The following SRFBP1 variants were observed in gnomAD, a reference collection of about 807,000 sequenced individuals.
SRFBP1 encodes the protein serum response factor-binding protein 1.
A neutral mutation model predicts 45.5 loss-of-function variants in SRFBP1; 47 were observed. The observed-to-expected ratio is 1.03, with a 90% CI of 0.82 to 1.32. SRFBP1 has a LOEUF of 1.32. Among genes scored for constraint, SRFBP1 ranks in the 40% most tolerant of loss-of-function variants. SRFBP1 has a pLI of 0.00. For synonymous variants in SRFBP1, 203 were observed against 166.3 expected (o/e 1.22, Z -1.70); for missense variants, 621 against 484.6 (o/e 1.28, Z -2.64).
chr5:122,019,560 C>T (rs375624869), intron 5 of SRFBP1, among the ~76,000 whole-genome samples: 3 of 150,892 alleles, frequency 2.0e-5, no homozygotes, highest in East Asian at 1.9e-4. Flanking sequence ...ACGTATAATA[C>T]GTAATATATA....
intron 7 of SRFBP1, among the ~76,000 whole-genome samples, chr5:122,025,529 A>G (rs958764052): frequency 3.9e-5 from 6 of 152,176 alleles, no homozygotes; most frequent in African/African-American, 1.4e-4. Context: ...TCCCTGAGGA[A>G]TCGCCACACT....
chr5:122,006,388 A>G (rs949983670), intron 4 of SRFBP1, among the ~76,000 whole-genome samples: 1 of 152,052 alleles, frequency 6.6e-6, no homozygotes, highest in African/African-American at 2.4e-5. Flanking sequence ...TTTGGATTGA[A>G]TCTCACTGGA....
Position 122,027,092 on chromosome 5 carries a change from T to C in SRFBP1, c.1256T>C (p.Val419Ala), listed in dbSNP as rs1249674715. 6.2e-7 allele frequency: 1 copy of C among 1,607,848 alleles called. No homozygotes were observed. ...AAAGAACAGCAATCTAATATTGCTG[T>C]GTTTCAGGGGAAAAAAATTACGTTT... is the stretch of plus-strand genomic sequence containing the variant. Reference protein sequence around the residue: ...RRKEQQSNIAVFQGKKITFDD With the variant: ...RRKEQQSNIAAFQGKKITFDD Residue 419 changes from valine to alanine, a missense_variant, in exon 8 of 8, where the codon GTG (valine) becomes GCG (alanine). Coordinates refer to ENST00000339397, the MANE Select transcript of SRFBP1 (RefSeq NM_152546.3).
rs1754313283 is a variant in SRFBP1, at chr5:122,066,806, TACAACAGACAAA to T, written n.312-8508_312-8497del. 9 of 1,065,098 alleles carry T rather than the reference TACAACAGACAAA, an allele frequency of 8.4e-6. No homozygotes were observed. In the East Asian group the frequency reaches 2.1e-4, roughly 25 times the overall value. The allele number at this position is 1,065,098 out of a possible 1,614,324, so 66.0% of individuals were successfully genotyped here. ...TTAACCTGATAATATAATGAATGAG[TACAACAGACAAA>T]TTTAAAGTCAACCTTTTAAAAACTT... On this transcript the variant is annotated intron_variant and non_coding_transcript_variant, in intron 2 of 2. Coordinates refer to the SRFBP1 transcript ENST00000504881.
intron 2 of SRFBP1, among the ~76,000 whole-genome samples, chr5:122,037,695 A>G (rs373297451): frequency 6.4e-4 from 97 of 151,214 alleles, no homozygotes; most frequent in African/African-American, 2.2e-3. Context: ...TTTTTGGTAG[A>G]GATGGAGCCT....
rs1181324921 is a variant in SRFBP1, at chr5:122,020,454, A to G, written c.719A>G (p.Asp240Gly). The G allele has an allele frequency of 6.2e-7, 1 of 1,614,032 alleles. No homozygotes were observed. Among genetic ancestry groups the G allele is most frequent in the Non-Finnish European group, 8.5e-7 (1 of 1,180,010 alleles). ...LSQTKKNKGS[D>G]SSLSGNSDGG... ...CAAACCAAAAAAAACAAAGGATCTG[A>G]TAGCTCACTCTCTGGTAACAGTGAT... Residue 240 changes from aspartate to glycine, a missense_variant, in exon 6 of 8, where the codon GAT becomes GGT. By Grantham distance (94) the Asp-to-Gly change is moderately conservative. Coordinates refer to ENST00000339397, the MANE Select transcript of SRFBP1 (RefSeq NM_152546.3).
At chr5:122,010,722 A>G (rs1316108607) in intron 4 of SRFBP1, among the ~76,000 whole-genome samples, 1 of 133,592 alleles carries the variant, frequency 7.5e-6, no homozygotes, top group African/African-American at 3.3e-5. Context: ...TTTCCCATAA[A>G]ATTTTAATTT....
intron 4 of SRFBP1, among the ~76,000 whole-genome samples, chr5:122,007,092 G>A (rs1234651201): frequency 6.6e-6 from 1 of 151,998 alleles, no homozygotes; most frequent in African/African-American, 2.4e-5. Context: ...AGAGATTTTG[G>A]GCAGAGTGTC....
At chr5:121,963,279 T>A (rs369439675) in intron 1 of SRFBP1, among the ~76,000 whole-genome samples, 2 of 152,196 alleles carry the variant, frequency 1.3e-5, no homozygotes, top group Admixed American at 1.3e-4. Flanking sequence ...AGGATTTCAG[T>A]TGACAGTGGA....
Position 121,996,946 on chromosome 5 carries a change from C to G in SRFBP1, c.270+2276C>G, listed in dbSNP as rs917889761. Among the ~76,000 whole-genome samples the G allele has an allele frequency of 5.7e-5, 8 of 139,612 alleles. 2 individuals carry two copies. Among genetic ancestry groups the G allele is most frequent in the African/African-American group, 2.3e-4 (8 of 34,518 alleles). 91.6% of individuals were successfully genotyped at this position (139,612 alleles called of 152,430 possible). On this transcript the variant is annotated intron_variant, in intron 4 of 7. Transcript: ENST00000339397. ...CAAAGAGAATAAAATACCTAGGCATCCAACTTACAAGGGATGTGAAGGACC... is the reference window on the plus strand; with the variant it reads ...CAAAGAGAATAAAATACCTAGGCATGCAACTTACAAGGGATGTGAAGGACC...
chr5:122,047,933 A>G (rs1034839078), intron 2 of SRFBP1, among the ~76,000 whole-genome samples: 2 of 152,166 alleles, frequency 1.3e-5, no homozygotes, highest in Non-Finnish European at 2.9e-5. Context: ...TATCAGCTTA[A>G]GGAGATTTTG....
In SRFBP1 at chr5:122,071,099, G is replaced by A. The variant is rs543412970; in HGVS notation, n.312-4216G>A. On this transcript the variant is annotated intron_variant and non_coding_transcript_variant, in intron 2 of 2. Transcript: ENST00000504881. Reference sequence around the variant, plus strand: ...TATGTAAGAATATAGCTAACCAGAGGCTGCAAGTTCCCTAAGGGTAGAGTT... The same window carrying A: ...TATGTAAGAATATAGCTAACCAGAGACTGCAAGTTCCCTAAGGGTAGAGTT... Among the ~76,000 whole-genome samples the A allele has an allele frequency of 3.9e-5, 6 of 152,158 alleles. No individual in the cohort carries two copies. The South Asian group carries it at 1.0e-3, about 26-fold the overall frequency.
intron 4 of SRFBP1, among the ~76,000 whole-genome samples, chr5:122,008,171 C>T (rs146506052): frequency 6.6e-6 from 1 of 152,116 alleles, no homozygotes; most frequent in Non-Finnish European, 1.5e-5. Context: ...GCCCTGAAGC[C>T]TAGGGCTGGC....
At chr5:122,049,910 A>T (rs1753938659) in intron 2 of SRFBP1, among the ~76,000 whole-genome samples, 2 of 152,234 alleles carry the variant, frequency 1.3e-5, no homozygotes, top group African/African-American at 4.8e-5. Flanking sequence ...CTAAATGCTC[A>T]CAAGAGAAAG....
In SRFBP1 at chr5:122,037,783, A is replaced by G. The variant is rs77523275; in HGVS notation, n.311+15376A>G. On this transcript the variant is annotated intron_variant and non_coding_transcript_variant, in intron 2 of 2. Transcript: ENST00000504881. ...TCCTTCCACCTTGATTTCCCAAGGTACTGGGATTATACCCATGAGCCACAG... is the reference window on the plus strand; with the variant it reads ...TCCTTCCACCTTGATTTCCCAAGGTGCTGGGATTATACCCATGAGCCACAG... Among the ~76,000 whole-genome samples the G allele has an allele frequency of 5.1e-3, 783 of 152,228 alleles. 20 individuals carry two copies. In the East Asian group the frequency reaches 0.053, roughly 10 times the overall value.
At chr5:122,003,567 C>T (rs1486138112) in intron 4 of SRFBP1, among the ~76,000 whole-genome samples, 1 of 152,072 alleles carries the variant, frequency 6.6e-6, no homozygotes, top group Non-Finnish European at 1.5e-5. Flanking sequence ...GATATATACC[C>T]ATACCCAGTA....
chr5:121,984,472 C>T (rs180680354), intron 3 of SRFBP1, among the ~76,000 whole-genome samples: 28 of 151,774 alleles, frequency 1.8e-4, no homozygotes, highest in Non-Finnish European at 3.5e-4. Flanking sequence ...TGCCTTTTTA[C>T]GCAGTGTTCA....
At chr5:121,970,932 C>T (rs547831580) in intron 1 of SRFBP1, among the ~76,000 whole-genome samples, 4 of 152,164 alleles carry the variant, frequency 2.6e-5, no homozygotes, top group Admixed American at 6.5e-5. Context: ...ACTTGTGACC[C>T]TCTCAGGGAA....
chr5:122,040,061 C>T (rs541595615), intron 2 of SRFBP1, among the ~76,000 whole-genome samples: 1 of 152,142 alleles, frequency 6.6e-6, no homozygotes, highest in East Asian at 1.9e-4. Context: ...CCCAAATTTC[C>T]TTAGCTATTC....
Sources: allele counts gnomAD v4.1 joint callset (sites outside exome capture counted in the v4.1 genomes callset), GRCh38; gene constraint gnomAD v4.1.1; transcripts MANE v1.5; gene names NCBI Gene and HGNC (gene_info 2026-07-23, HGNC 2026-07-21).